LRRC40: variants seen among roughly 807,000 people sequenced by gnomAD.
LRRC40 encodes the protein leucine-rich repeat-containing protein 40.
LRRC40 carries 76 observed loss-of-function variants against 72.8 expected under a neutral mutation model. The ratio of observed to expected loss-of-function variants is 1.04; its 90% CI spans 0.87 to 1.26. The LOEUF (loss-of-function observed/expected upper bound fraction) is 1.26, where lower values mean the gene tolerates loss of function less well. Among genes scored for constraint, LRRC40 ranks in the 50% most tolerant of loss-of-function variants. The pLI, the probability that LRRC40 is intolerant of heterozygous loss-of-function variation, is 0.00. For synonymous variants in LRRC40, 243 were observed against 254.2 expected, an observed-to-expected ratio of 0.96 and a Z score of 0.42; for missense variants, 684 against 698.9, an observed-to-expected ratio of 0.98 and a Z score of 0.24.
chr1:70,145,585 C>T lies in LRRC40; in HGVS notation c.*215G>A. ...TGGTTATCACCATTACAAATGTATA[C>T]AACACCTTACAAAAATCTTAAATAA... On this transcript the variant is annotated 3_prime_UTR_variant, in exon 15 of 15. Coordinates refer to ENST00000370952, the MANE Select transcript of LRRC40 (RefSeq NM_017768.5). The T allele has an allele frequency of 2.8e-6, 1 of 360,174 alleles. No homozygotes were observed. Among genetic ancestry groups the T allele is most frequent in the Non-Finnish European group, 5.0e-6 (1 of 200,428 alleles). The allele number at this position is 360,174 out of a possible 1,614,324, so 22.3% of individuals were successfully genotyped here. A position where few individuals can be genotyped will look rare whatever the true frequency, so the allele number is the denominator to read the frequency against.
chr1:70,189,318 A>AG, intron 1 of LRRC40, 45 bp from the exon 2 acceptor site: 1 of 1,337,028 alleles, frequency 7.5e-7, no homozygotes, highest in Non-Finnish European at 1.0e-6. Context: ...AAAAAAAAAA[A>AG]AGATGAAAAC....
In LRRC40 at chr1:70,175,853, G is replaced by T. The variant is rs375050762; in HGVS notation, c.934C>A (p.Arg312=). The change falls in exon 7 of 15, where the codon CGG becomes AGG. Residue 312 remains arginine, a synonymous_variant. Coordinates refer to ENST00000370952, the MANE Select transcript of LRRC40 (RefSeq NM_017768.5). ...KSVPDEIILL[R]SLERLDLSNN... The stretch of plus-strand genomic sequence containing the variant: ...CTTAGGTCAAGCCTTTCCAAGGACC[G>T]TAGTAGTATAATTTCATCTGGAACA... 2 of 1,585,308 alleles carry T rather than the reference G, an allele frequency of 1.3e-6. No individual in the cohort carries two copies. The highest frequency in any genetic ancestry group is 1.7e-6 in the Non-Finnish European group (2 of 1,169,096).
At chr1:70,179,108 A>G in intron 5 of LRRC40, 115 bp from the exon 6 acceptor site, 1 of 482,434 alleles carries the variant, frequency 2.1e-6, no homozygotes, top group Non-Finnish European at 3.6e-6. Context: ...AACCTGTGCC[A>G]TATAATCAAG....
chr1:70,184,412 T>G (rs150146489), intron 4 of LRRC40, among the ~76,000 whole-genome samples: 2 of 152,054 alleles, frequency 1.3e-5, no homozygotes, highest in Non-Finnish European at 2.9e-5. Flanking sequence ...ACCTGGACAT[T>G]TGGAAGGCAG....
At chr1:70,155,586 A>G in intron 11 of LRRC40, 103 bp downstream of exon 11, 1 of 451,356 alleles carries the variant, frequency 2.2e-6, no homozygotes, top group Non-Finnish European at 3.9e-6. Context: ...TTTTACATAT[A>G]GTTTTAAATT....
chr1:70,165,101 T>C (rs966594489), intron 9 of LRRC40, among the ~76,000 whole-genome samples: 2 of 152,196 alleles, frequency 1.3e-5, no homozygotes, highest in African/African-American at 2.4e-5. Context: ...AACACATCAA[T>C]TAAAATGTAA....
At chr1:70,185,357 G>C (rs765458767) in intron 3 of LRRC40, among the ~76,000 whole-genome samples, 2 of 152,184 alleles carry the variant, frequency 1.3e-5, no homozygotes, top group Non-Finnish European at 2.9e-5. Context: ...TGAATCATGG[G>C]AGCGGTTTCC....
chr1:70,158,682 A>G (rs1272908266), intron 10 of LRRC40, among the ~76,000 whole-genome samples: 1 of 152,186 alleles, frequency 6.6e-6, no homozygotes, highest in African/African-American at 2.4e-5. Flanking sequence ...CATTATTACT[A>G]TGATACATTA....
intron 1 of LRRC40, 118 bp downstream of exon 1, chr1:70,205,272 G>A (rs1486651158): frequency 9.0e-6 from 9 of 998,810 alleles, no homozygotes; most frequent in East Asian, 2.5e-5. Context: ...TTAGAGCACA[G>A]AAATTCTGGC....
At chr1:70,193,705 CA>C (rs1366071944) in intron 1 of LRRC40, among the ~76,000 whole-genome samples, 2 of 151,836 alleles carry the variant, frequency 1.3e-5, no homozygotes, top group African/African-American at 4.8e-5. Context: ...ATTATAGACC[CA>C]AATTCCTGAA....
chr1:70,152,633 AT>A, intron 11 of LRRC40, 90 bp from the exon 12 acceptor site: 1 of 705,478 alleles, frequency 1.4e-6, no homozygotes, highest in South Asian at 1.7e-5. Context: ...AAATTCCTAT[AT>A]TTAACTTCTG....
chr1:70,194,517 T>C (rs1263612276), intron 1 of LRRC40, among the ~76,000 whole-genome samples: 2 of 152,100 alleles, frequency 1.3e-5, no homozygotes, highest in African/African-American at 2.4e-5. Context: ...AAGTGACTTA[T>C]AGATTCAGCA....
At position 70,145,761 on chromosome 1, in the gene LRRC40, G is replaced by T; in HGVS notation, c.*39C>A. ...TACATCCTCCTTAGAATTAACCAGG[G>T]TTAATAATACATGACAAGGGTTATA... On this transcript the variant is annotated 3_prime_UTR_variant, in exon 15 of 15. Transcript: ENST00000370952. 1 of 1,051,446 alleles carries T rather than the reference G, an allele frequency of 9.5e-7. No homozygotes were observed. 65.1% of individuals were successfully genotyped at this position (1,051,446 alleles called of 1,614,324 possible). A position where few individuals can be genotyped will look rare whatever the true frequency, so the allele number is the denominator to read the frequency against.
chr1:70,162,626 G>A (rs1667789763), intron 9 of LRRC40, among the ~76,000 whole-genome samples: 1 of 151,982 alleles, frequency 6.6e-6, no homozygotes, highest in Non-Finnish European at 1.5e-5. Flanking sequence ...GCAATCCCTG[G>A]GTCTAGATCT....
chr1:70,164,661 A>G (rs1319529843), intron 9 of LRRC40, among the ~76,000 whole-genome samples: 1 of 152,044 alleles, frequency 6.6e-6, no homozygotes, highest in Non-Finnish European at 1.5e-5. Flanking sequence ...TAGAATCTGC[A>G]CTCACTTAAC....
chr1:70,198,014 C>T (rs1158772774), intron 1 of LRRC40, among the ~76,000 whole-genome samples: 5 of 152,068 alleles, frequency 3.3e-5, no homozygotes, highest in Non-Finnish European at 5.9e-5. Context: ...CGCCTGCTTC[C>T]ACCTCCCAAA....
At chr1:70,202,489 T>A (rs75707415) in intron 1 of LRRC40, among the ~76,000 whole-genome samples, 1 of 152,228 alleles carries the variant, frequency 6.6e-6, no homozygotes, top group Non-Finnish European at 1.5e-5. Context: ...GGTAAAACTA[T>A]AGAAACAGGA....
chr1:70,169,453 T>C (rs1284922411), intron 9 of LRRC40, among the ~76,000 whole-genome samples: 1 of 151,884 alleles, frequency 6.6e-6, no homozygotes, highest in African/African-American at 2.4e-5. Context: ...AATTAGAGTG[T>C]TAATTAATGA....
chr1:70,150,171 G>A (rs528509542), intron 13 of LRRC40, among the ~76,000 whole-genome samples: 7 of 152,126 alleles, frequency 4.6e-5, no homozygotes, highest in East Asian at 3.9e-4. Flanking sequence ...CGCCCACCTC[G>A]GCCTTCCAAA....
Sources: gnomAD v4.1 joint callset for allele counts (sites outside exome capture counted in the v4.1 genomes callset) on GRCh38, gnomAD v4.1.1 for gene constraint, MANE v1.5 for transcripts, NCBI Gene and HGNC (gene_info 2026-07-23, HGNC 2026-07-21) for gene names.